Variants in COPG2 observed in about 807,000 individuals in gnomAD.
COPG2 encodes the protein coat protein complex I subunit gamma 2.
In COPG2, 37 loss-of-function variants were observed where a neutral mutation model predicts 46.3. The ratio of observed to expected loss-of-function variants is 0.80; its 90% CI spans 0.61 to 1.05. The LOEUF is 1.05. Ranked by LOEUF, COPG2 falls within the 50% of genes least tolerant of loss-of-function variation. The pLI is 0.00. For synonymous variants in COPG2, 159 were observed against 129.7 expected, an observed-to-expected ratio of 1.23 and a Z score of -1.53; for missense variants, 427 against 387.8, an observed-to-expected ratio of 1.10 and a Z score of -0.85.
intron 9 of COPG2, among the ~76,000 whole-genome samples, chr7:130,574,253 G>C (rs561457481): frequency 1.3e-5 from 2 of 152,292 alleles, no homozygotes; most frequent in Middle Eastern, 6.8e-3. Flanking sequence ...ATTATATTAA[G>C]TGAAAGAGCA....
intron 17 of COPG2, 117 bp downstream of exon 17, chr7:130,550,407 A>C: frequency 4.5e-6 from 1 of 224,596 alleles, no homozygotes; most frequent in Non-Finnish European, 7.7e-6. Flanking sequence ...GTGAGACTCT[A>C]TCTCAAAAAA....
At chr7:130,528,754 G>C (rs892414995) in intron 20 of COPG2, among the ~76,000 whole-genome samples, 5 of 151,806 alleles carry the variant, frequency 3.3e-5, no homozygotes, top group Admixed American at 3.3e-4. Context: ...GTCGGAGCAG[G>C]CAATGGAGCC....
At chr7:130,616,950 T>C (rs1554452935) in intron 6 of COPG2, 40 bp downstream of exon 6, 2 of 1,332,560 alleles carry the variant, frequency 1.5e-6, no homozygotes, top group African/African-American at 1.5e-5. Flanking sequence ...CAGATAAACA[T>C]AGTGTTCCAT....
chr7:130,639,657 C>T (rs1795423547), intron 5 of COPG2, among the ~76,000 whole-genome samples: 1 of 152,190 alleles, frequency 6.6e-6, no homozygotes, highest in African/African-American at 2.4e-5. Context: ...CAAGTTCTGC[C>T]TCGCCTTCTG....
chr7:130,655,378 T>C (rs149726832), intron 4 of COPG2, among the ~76,000 whole-genome samples: 1 of 152,214 alleles, frequency 6.6e-6, no homozygotes, highest in Non-Finnish European at 1.5e-5. Context: ...CTATACCAGA[T>C]GTCTTATGCA....
chr7:130,512,334 CAAAA>C (rs1425805401), intron 20 of COPG2, among the ~76,000 whole-genome samples: 1 of 149,208 alleles, frequency 6.7e-6, no homozygotes, highest in Non-Finnish European at 1.5e-5. Flanking sequence ...CAAAAAACAA[CAAAA>C]AAGCTATAGA....
At chr7:130,513,341 A>ATATATATATATATATATATATGTG (rs1215646008) in intron 20 of COPG2, among the ~76,000 whole-genome samples, 3 of 51,546 alleles carry the variant, frequency 5.8e-5, no homozygotes, top group Admixed American at 2.5e-4. Flanking sequence ...ATATATATAT[A>ATATATATATATATATATATATGTG]TGTGTGTGTG....
At chr7:130,667,637 G>C (rs1289110893) in intron 1 of COPG2, 103 bp from the exon 2 acceptor site, 7 of 831,498 alleles carry the variant, frequency 8.4e-6, no homozygotes, top group African/African-American at 5.1e-5. Context: ...TGAACACTTG[G>C]ATGGCACAGT....
At chr7:130,633,519 T>A (rs1391780278) in intron 5 of COPG2, among the ~76,000 whole-genome samples, 1 of 151,490 alleles carries the variant, frequency 6.6e-6, no homozygotes, top group East Asian at 1.9e-4. Context: ...TATTTCATAA[T>A]CTCTTCTTTT....
chr7:130,663,501 T>C (rs1554461055), intron 3 of COPG2, among the ~76,000 whole-genome samples: 1 of 151,914 alleles, frequency 6.6e-6, no homozygotes, highest in African/African-American at 2.4e-5. Flanking sequence ...CTCAGCAAAA[T>C]GGCAAGAAGG....
chr7:130,554,332 T>C, intron 14 of COPG2, 149 bp downstream of exon 14: 1 of 393,612 alleles, frequency 2.5e-6, no homozygotes, highest in Non-Finnish European at 4.5e-6. Context: ...GGGTGGAAAT[T>C]GAGTACAAAG....
At chr7:130,617,636 C>T (rs1213134835) in intron 5 of COPG2, among the ~76,000 whole-genome samples, 1 of 152,064 alleles carries the variant, frequency 6.6e-6, no homozygotes, top group Non-Finnish European at 1.5e-5. Context: ...GGTTTTTAAC[C>T]TTTTACCCTC....
At chr7:130,529,277 G>C (rs1247108678) in intron 20 of COPG2, among the ~76,000 whole-genome samples, 1 of 152,166 alleles carries the variant, frequency 6.6e-6, no homozygotes, top group African/African-American at 2.4e-5. Flanking sequence ...GAAAGTGGCA[G>C]AGGAGGGAGT....
intron 5 of COPG2, among the ~76,000 whole-genome samples, chr7:130,643,092 C>G (rs1334581213): frequency 3.3e-5 from 5 of 151,610 alleles, no homozygotes; most frequent in Admixed American, 6.6e-5. Flanking sequence ...GTCAGGAGAT[C>G]GAGACCATCC....
chr7:130,551,657 T>C (rs1793535860), intron 15 of COPG2, among the ~76,000 whole-genome samples: 1 of 152,338 alleles, frequency 6.6e-6, no homozygotes, highest in South Asian at 2.1e-4. Flanking sequence ...GTTGAAGACT[T>C]AGACTTCTCT....
intron 20 of COPG2, among the ~76,000 whole-genome samples, chr7:130,530,051 C>T (rs36176198): frequency 0.34 from 52,232 of 151,580 alleles, 10,253 homozygotes; most frequent in African/African-American, 0.53. Flanking sequence ...GTCAGGGTGT[C>T]GGGTGCTGGG....
chr7:130,653,442 C>T (rs1192850242), intron 4 of COPG2, among the ~76,000 whole-genome samples: 3 of 152,100 alleles, frequency 2.0e-5, no homozygotes, highest in South Asian at 2.1e-4. Context: ...TTAGTAGAGA[C>T]GGCGTACAGT....
rs546932877 is a variant in COPG2, at chr7:130,665,473, T to C, written c.171+1376A>G. Among the ~76,000 whole-genome samples the C allele has an allele frequency of 2.8e-4, 42 of 152,148 alleles. No individual in the cohort carries two copies. The South Asian group carries it at 8.5e-3, about 31-fold the overall frequency. On this transcript the variant is annotated intron_variant, in intron 3 of 23. Transcript: ENST00000425248. ...TTCAACCAGGCTCAGATTGAAAATA[T>C]TCAAGGAAAAAAAAAACTATGTTTG... is the stretch of plus-strand genomic sequence containing the variant.
Position 130,650,050 on chromosome 7 carries a change from A to C in COPG2, c.323+2819T>G, listed in dbSNP as rs1447660455. Among the ~76,000 whole-genome samples the C allele has an allele frequency of 2.0e-5, 3 of 152,172 alleles. No homozygotes were observed. In the South Asian group the frequency reaches 6.2e-4, roughly 32 times the overall value. On this transcript the variant is annotated intron_variant, in intron 5 of 23. Coordinates refer to ENST00000425248, the MANE Select transcript of COPG2 (RefSeq NM_012133.6). ...AGAAGGGTGAATCCTTGCTTTTTCC[A>C]GTCTCTAGAGGTTACCACATTCCTT...
Sources: gnomAD v4.1 joint callset for allele counts (sites outside exome capture counted in the v4.1 genomes callset) on GRCh38, gnomAD v4.1.1 for gene constraint, MANE v1.5 for transcripts, NCBI Gene and HGNC (gene_info 2026-07-23, HGNC 2026-07-21) for gene names.